Variants in RALYL observed in about 807,000 individuals in gnomAD.
The protein encoded by RALYL is RALY RNA binding protein like, also known as RNA-binding Raly-like protein.
Under a neutral mutation model 35.1 loss-of-function variants are expected in RALYL, and 29 were observed. That is an observed-to-expected ratio of 0.83 (90% CI 0.61 to 1.13). The LOEUF is 1.13. Ranked by LOEUF, RALYL falls within the 50% of genes most tolerant of loss-of-function variation. The pLI is 0.00. For missense variants in RALYL, 359 were observed against 360.4 expected (o/e 1.00, Z 0.03); for synonymous variants, 120 against 127.6 (o/e 0.94, Z 0.40).
intron 1 of RALYL, among the ~76,000 whole-genome samples, chr8:84,442,469 A>G (rs1489840171): frequency 1.3e-5 from 2 of 152,076 alleles, no homozygotes; most frequent in Non-Finnish European, 2.9e-5. Context: ...CTTGCCTTCT[A>G]CATGGGAGGA....
At chr8:84,271,088 A>G (rs893695711) in intron 1 of RALYL, among the ~76,000 whole-genome samples, 6 of 152,120 alleles carry the variant, frequency 3.9e-5, no homozygotes, top group African/African-American at 1.4e-4. Context: ...TGCTCTTTAC[A>G]AGATACCACC....
chr8:84,807,577 T>A (rs1824947906), intron 4 of RALYL, among the ~76,000 whole-genome samples: 1 of 152,336 alleles, frequency 6.6e-6, no homozygotes, highest in East Asian at 1.9e-4. Flanking sequence ...ATTAGTTCTT[T>A]AAAGAATCTT....
intron 1 of RALYL, among the ~76,000 whole-genome samples, chr8:84,275,205 T>C (rs75279283): frequency 0.019 from 2,888 of 152,244 alleles, 42 homozygotes; most frequent in Non-Finnish European, 0.031. Flanking sequence ...ATTAGAGCCA[T>C]TGTCATCTCT....
rs202105739 is a variant in RALYL at position 84,561,028 on chromosome 8, T to C, written c.256+31451T>C. On this transcript the variant is annotated intron_variant, in intron 2 of 8. Coordinates refer to ENST00000521268, the MANE Select transcript of RALYL (RefSeq NM_173848.7). ...AAGTTTGAATGTATTTTTCAGAAGC[T>C]CCTTCCTGTCTTCACTCATTAAGTT... Among the ~76,000 whole-genome samples, 14 of 152,148 alleles carry C rather than the reference T, an allele frequency of 9.2e-5. No individual in the cohort carries two copies. The East Asian group carries it at 2.7e-3, about 29-fold the overall frequency.
chr8:84,806,057 T>C (rs535668839), intron 4 of RALYL, among the ~76,000 whole-genome samples: 1 of 152,334 alleles, frequency 6.6e-6, no homozygotes, highest in East Asian at 1.9e-4. Context: ...TACATGGTCA[T>C]TGAATATTTC....
At chr8:84,816,030 C>T (rs1224265400) in intron 4 of RALYL, among the ~76,000 whole-genome samples, 2 of 55,734 alleles carry the variant, frequency 3.6e-5, no homozygotes, top group Non-Finnish European at 6.2e-5. Context: ...GAGACTCTGT[C>T]TCAAAAAAAA....
chr8:84,770,487 G>T (rs1815192729), intron 2 of RALYL, among the ~76,000 whole-genome samples: 1 of 150,694 alleles, frequency 6.6e-6, no homozygotes, highest in African/African-American at 2.4e-5. Context: ...TTTTGCAATT[G>T]TGAATTGTGC....
intron 1 of RALYL, among the ~76,000 whole-genome samples, chr8:84,344,599 G>T (rs1232528913): frequency 4.6e-5 from 7 of 151,970 alleles, no homozygotes; most frequent in Non-Finnish European, 1.0e-4. Context: ...TATGATATAT[G>T]TATGCAGTGT....
intron 1 of RALYL, among the ~76,000 whole-genome samples, chr8:84,230,592 T>G (rs2131421088): frequency 6.6e-6 from 1 of 152,340 alleles, no homozygotes; most frequent in South Asian, 2.1e-4. Flanking sequence ...CTTAGAATTC[T>G]TACAAATCCT....
chr8:84,421,846 A>G (rs1183977264), intron 1 of RALYL, among the ~76,000 whole-genome samples: 1 of 147,740 alleles, frequency 6.8e-6, no homozygotes, highest in Non-Finnish European at 1.5e-5. Flanking sequence ...ATGCTGGATT[A>G]CATTTCTTGA....
At chr8:84,323,764 T>C (rs1344152376) in intron 1 of RALYL, among the ~76,000 whole-genome samples, 1 of 152,106 alleles carries the variant, frequency 6.6e-6, no homozygotes, top group Non-Finnish European at 1.5e-5. Flanking sequence ...CAACTTTTTC[T>C]TGGATTCTGA....
At chr8:84,585,067 G>C (rs1811687757) in intron 2 of RALYL, among the ~76,000 whole-genome samples, 1 of 152,172 alleles carries the variant, frequency 6.6e-6, no homozygotes, top group Non-Finnish European at 1.5e-5. Flanking sequence ...CTTGACGTGA[G>C]ACTTTTAGGT....
At chr8:84,750,351 A>G (rs1015195156) in intron 2 of RALYL, among the ~76,000 whole-genome samples, 2 of 152,192 alleles carry the variant, frequency 1.3e-5, no homozygotes, top group Non-Finnish European at 2.9e-5. Flanking sequence ...GTCTGAACGC[A>G]ACCTATCTAA....
intron 2 of RALYL, among the ~76,000 whole-genome samples, chr8:84,595,073 A>G (rs1296854057): frequency 2.6e-5 from 4 of 152,180 alleles, no homozygotes; most frequent in African/African-American, 9.6e-5. Context: ...GCTAGACAAC[A>G]TGCAGAGCAG....
intron 2 of RALYL, among the ~76,000 whole-genome samples, chr8:84,677,562 A>G (rs981046799): frequency 1.3e-5 from 2 of 152,218 alleles, no homozygotes; most frequent in African/African-American, 4.8e-5. Flanking sequence ...AAGTGTACCT[A>G]TAACATATTC....
At position 84,797,576 on chromosome 8, in the gene RALYL, C is replaced by T. The variant is rs1322286642; in HGVS notation, c.333-7194C>T. ...TTTTTTTCTACATAAAATATTTGCA[C>T]CCACATTGGTCTTTAAAACTCTTTG... is the stretch of plus-strand genomic sequence containing the variant. On this transcript the variant is annotated intron_variant, in intron 3 of 8. Coordinates refer to ENST00000521268, the MANE Select transcript of RALYL (RefSeq NM_173848.7). Among the ~76,000 whole-genome samples, 3 of 152,088 alleles carry T rather than the reference C, an allele frequency of 2.0e-5. No homozygotes were observed. The East Asian group carries it at 5.8e-4, about 29-fold the overall frequency.
chr8:84,401,498 C>A (rs1270030597), intron 1 of RALYL, among the ~76,000 whole-genome samples: 1 of 151,480 alleles, frequency 6.6e-6, no homozygotes, highest in Non-Finnish European at 1.5e-5. Context: ...ATTAGCCGGG[C>A]GCGGTGGCGG....
chr8:84,529,806 A>G (rs1392818730), intron 2 of RALYL, among the ~76,000 whole-genome samples: 3 of 152,096 alleles, frequency 2.0e-5, no homozygotes, highest in Non-Finnish European at 4.4e-5. Context: ...AATACTTATT[A>G]CCTCCACCCA....
Position 84,920,919 on chromosome 8 carries a change from T to TA in RALYL, c.*10dup. On this transcript the variant is annotated 3_prime_UTR_variant, in exon 9 of 9. Coordinates refer to ENST00000521268, the MANE Select transcript of RALYL (RefSeq NM_173848.7). Reference sequence around the variant, plus strand: ...TTTCTACAGATAAAGTGATCTGAAATAACGCATGATGCCACAAAGCAGAAA... The same window carrying TA: ...TTTCTACAGATAAAGTGATCTGAAATAAACGCATGATGCCACAAAGCAGAAA... 1 of 1,442,566 alleles carries TA rather than the reference T, an allele frequency of 6.9e-7. No homozygotes were observed. Among genetic ancestry groups the TA allele is most frequent in the Non-Finnish European group, 9.3e-7 (1 of 1,080,622 alleles). 89.4% of individuals were successfully genotyped at this position (1,442,566 alleles called of 1,614,324 possible).
Sources: gnomAD v4.1 joint callset for allele counts (sites outside exome capture counted in the v4.1 genomes callset) on GRCh38, gnomAD v4.1.1 for gene constraint, MANE v1.5 for transcripts, NCBI Gene and HGNC (gene_info 2026-07-23, HGNC 2026-07-21) for gene names.